Variants in HCFC2 observed in about 807,000 individuals in gnomAD.
HCFC2 encodes the protein host cell factor 2.
In HCFC2, 18 loss-of-function variants were observed where a neutral mutation model predicts 89.2. That is an observed-to-expected ratio of 0.20 (90% CI 0.14 to 0.30). The LOEUF (loss-of-function observed/expected upper bound fraction) is 0.30, where lower values mean the gene tolerates loss of function less well. Among genes scored for constraint, HCFC2 ranks in the 10% least tolerant of loss-of-function variants. The pLI is 1.00. For synonymous variants in HCFC2, 308 were observed against 335.7 expected, an observed-to-expected ratio of 0.92 and a Z score of 0.90; for missense variants, 578 against 956.1, an observed-to-expected ratio of 0.60 and a Z score of 5.21.
chr12:104,068,671 T>A lies in HCFC2; in HGVS notation c.473+564T>A, dbSNP rs990098665. Among the ~76,000 whole-genome samples the A allele has an allele frequency of 1.3e-5, 2 of 152,202 alleles. No homozygotes were observed. The highest frequency in any genetic ancestry group is 2.4e-5 in the African/African-American group (1 of 41,460). On this transcript the variant is annotated intron_variant, in intron 3 of 14. Transcript: ENST00000229330. The surrounding 1 kb of genome is among the most constrained non-coding windows in gnomAD (Gnocchi z 4.1). ...ACATCATGTTTTGTTTGTTTGTTTG[T>A]ATGTTGAGTTCCAATAAGCCTTTAT...
Position 104,088,316 on chromosome 12 carries a change from A to AG in HCFC2, c.1284+281dup, listed in dbSNP as rs549025885. ...AAGCCTGAATTGAAAACCCAGGCCA[A>AG]GGGAAGCCTAGCTGCATTACACAGA... On this transcript the variant is annotated intron_variant, in intron 9 of 14. Transcript: ENST00000229330. Among the ~76,000 whole-genome samples, 58 of 152,368 alleles carry AG rather than the reference A, an allele frequency of 3.8e-4. 2 individuals carry two copies. In the South Asian group the frequency reaches 0.012, roughly 32 times the overall value.
At chr12:104,100,201 T>A (rs1441816834) in intron 13 of HCFC2, among the ~76,000 whole-genome samples, 3 of 152,226 alleles carry the variant, frequency 2.0e-5, no homozygotes, top group African/African-American at 7.2e-5. Context: ...CATATACATA[T>A]ATGAGATATT....
Position 104,086,853 on chromosome 12 carries a change from C to G in HCFC2, c.1070C>G (p.Pro357Arg). 2 of 1,613,220 alleles carry G rather than the reference C, an allele frequency of 1.2e-6. No individual in the cohort carries two copies. Among genetic ancestry groups the G allele is most frequent in the Non-Finnish European group, 1.7e-6 (2 of 1,179,456 alleles). Reference protein sequence around the residue: ...KDLWYLDTEKPPAPSQVQLIK... With the variant: ...KDLWYLDTEKRPAPSQVQLIK... Reference sequence around the variant, plus strand: ...TATCATGATTGTTCTATAGAGAAACCACCGGCACCATCTCAAGTACAGCTG... The same window carrying G: ...TATCATGATTGTTCTATAGAGAAACGACCGGCACCATCTCAAGTACAGCTG... Residue 357 changes from proline (P) to arginine (R), a missense_variant, in exon 8 of 15, where the codon CCA becomes CGA. Transcript: ENST00000229330.
At chr12:104,086,492 CT>C (rs1218042502) in intron 7 of HCFC2, among the ~76,000 whole-genome samples, 8 of 151,878 alleles carry the variant, frequency 5.3e-5, no homozygotes. Context: ...CCCCAAAAAC[CT>C]TCTAGGATTC....
chr12:104,079,332 T>C, intron 3 of HCFC2, 113 bp from the exon 4 acceptor site: 1 of 814,880 alleles, frequency 1.2e-6, no homozygotes, highest in South Asian at 1.9e-5. Context: ...AATGCCTTTC[T>C]GTACTATATG....
chr12:104,078,918 C>A (rs115967439), intron 3 of HCFC2, among the ~76,000 whole-genome samples: 7,124 of 152,204 alleles, frequency 0.047, 187 homozygotes, highest in South Asian at 0.11. Flanking sequence ...CATATGGCCA[C>A]CCAGATGGTA....
At chr12:104,100,829 A>G (rs994840412) in intron 13 of HCFC2, among the ~76,000 whole-genome samples, 1 of 152,166 alleles carries the variant, frequency 6.6e-6, no homozygotes. Flanking sequence ...TTGATTTCAT[A>G]TATAAAGACG....
chr12:104,068,153 T>C lies in HCFC2; in HGVS notation c.473+46T>C, dbSNP rs760599056. The C allele has an allele frequency of 6.9e-7, 1 of 1,454,080 alleles. No individual in the cohort carries two copies. The highest frequency in any genetic ancestry group is 2.6e-5 in the Admixed American group (1 of 38,878). 90.1% of individuals were successfully genotyped at this position (1,454,080 alleles called of 1,614,324 possible). A position where few individuals can be genotyped will look rare whatever the true frequency, so the allele number is the denominator to read the frequency against. On this transcript the variant is annotated intron_variant, in intron 3 of 14. Coordinates refer to ENST00000229330, the MANE Select transcript of HCFC2 (RefSeq NM_013320.3). This position sits in a 1 kb window ranked among gnomAD's most constrained non-coding sequence, Gnocchi z 4.1. ...CAAATGCTTATTTTATGATTTAGAG[T>C]AGGAACATTTTATTTTTTCCATCTT... is the stretch of plus-strand genomic sequence containing the variant.
intron 3 of HCFC2, among the ~76,000 whole-genome samples, chr12:104,072,282 G>A (rs1883345622): frequency 6.6e-6 from 1 of 151,786 alleles, no homozygotes; most frequent in Non-Finnish European, 1.5e-5. Flanking sequence ...CAGAGCAGGA[G>A]GATTGCTTGA....
At position 104,079,686 on chromosome 12, in the gene HCFC2, G is replaced by A. The variant is rs1883620705; in HGVS notation, c.682+33G>A. 7 of 1,503,020 alleles carry A rather than the reference G, an allele frequency of 4.7e-6. No individual in the cohort carries two copies. In the East Asian group the frequency reaches 1.6e-4, roughly 34 times the overall value. The allele number at this position is 1,503,020 out of a possible 1,614,324, so 93.1% of individuals were successfully genotyped here. A position where few individuals can be genotyped will look rare whatever the true frequency, so the allele number is the denominator to read the frequency against. ...TAACTTGATTCAGGCTCAGGAATAGGGCAAATTAAAAAATGCTTTGAAAAA... is the reference window on the plus strand; with the variant it reads ...TAACTTGATTCAGGCTCAGGAATAGAGCAAATTAAAAAATGCTTTGAAAAA... On this transcript the variant is annotated intron_variant, in intron 4 of 14. Coordinates refer to ENST00000229330, the MANE Select transcript of HCFC2 (RefSeq NM_013320.3).
intron 3 of HCFC2, among the ~76,000 whole-genome samples, chr12:104,070,303 C>T (rs1159377824): frequency 6.6e-6 from 1 of 152,232 alleles, no homozygotes; most frequent in Non-Finnish European, 1.5e-5. Flanking sequence ...GCTGGGATTA[C>T]AGGCGTGAGC....
chr12:104,101,950 G>C lies in HCFC2; in HGVS notation c.1879-18G>C, dbSNP rs2029952952. ...TAGTTGTACCTTTTCTTTGACTTTT[G>C]CATATACTACATTTTAGGTAGGAAA... On this transcript the variant is annotated intron_variant, in intron 13 of 14. Coordinates refer to ENST00000229330, the MANE Select transcript of HCFC2 (RefSeq NM_013320.3). The C allele has an allele frequency of 6.6e-7, 1 of 1,525,190 alleles. No homozygotes were observed. Among genetic ancestry groups the C allele is most frequent in the African/African-American group, 1.4e-5 (1 of 72,980 alleles). The allele number at this position is 1,525,190 out of a possible 1,614,324, so 94.5% of individuals were successfully genotyped here. A position where few individuals can be genotyped will look rare whatever the true frequency, so the allele number is the denominator to read the frequency against.
rs565858753 is a variant in HCFC2 at position 104,099,004 on chromosome 12, GA to G, written c.1878+536del. On this transcript the variant is annotated intron_variant, in intron 13 of 14. Coordinates refer to ENST00000229330, the MANE Select transcript of HCFC2 (RefSeq NM_013320.3). ...GACAGTGTAAGACTCCATCTAAAAAGAAAAAAAAAAAAGAAATATCTGAGAC... is the reference window on the plus strand; with the variant it reads ...GACAGTGTAAGACTCCATCTAAAAAGAAAAAAAAAAAGAAATATCTGAGAC... 4.7e-3 allele frequency among the ~76,000 whole-genome samples: 652 copies of G among 138,436 alleles called. 9 individuals are homozygous for G. The highest frequency in any genetic ancestry group is 0.033 in the South Asian group (143 of 4,374). The allele number at this position is 138,436 out of a possible 152,430, so 90.8% of individuals were successfully genotyped here. A position where few individuals can be genotyped will look rare whatever the true frequency, so the allele number is the denominator to read the frequency against.
chr12:104,065,561 A>G (rs903914593), intron 1 of HCFC2, among the ~76,000 whole-genome samples: 3 of 152,354 alleles, frequency 2.0e-5, no homozygotes, highest in African/African-American at 7.2e-5. Flanking sequence ...ACTTAATCAC[A>G]GGAATAATTT....
intron 13 of HCFC2, among the ~76,000 whole-genome samples, chr12:104,099,627 A>G (rs1030056812): frequency 3.3e-5 from 5 of 152,158 alleles, no homozygotes; most frequent in Middle Eastern, 3.4e-3. Flanking sequence ...TAAAAAAAAA[A>G]AAAAACTTAT....
chr12:104,094,806 G>A (rs1884127299), intron 10 of HCFC2, among the ~76,000 whole-genome samples: 1 of 152,204 alleles, frequency 6.6e-6, no homozygotes, highest in Middle Eastern at 3.4e-3. Flanking sequence ...ATGTTTACGA[G>A]CCAAGGACCA....
intron 12 of HCFC2, 90 bp downstream of exon 12, chr12:104,096,523 T>A (rs1884183759): frequency 2.4e-6 from 2 of 840,070 alleles, no homozygotes; most frequent in Non-Finnish European, 3.9e-6. Flanking sequence ...CATAAAAAGA[T>A]TCTCAGGTCT....
At chr12:104,069,423 G>A (rs1883250802) in intron 3 of HCFC2, among the ~76,000 whole-genome samples, 2 of 151,018 alleles carry the variant, frequency 1.3e-5, no homozygotes, top group African/African-American at 2.4e-5. Flanking sequence ...TTGCTACTTT[G>A]TATCTTTTGA....
intron 3 of HCFC2, among the ~76,000 whole-genome samples, chr12:104,071,479 T>C (rs890135155): frequency 4.6e-5 from 7 of 152,398 alleles, no homozygotes; most frequent in African/African-American, 9.6e-5. Flanking sequence ...ACCAGCCATA[T>C]GGCCAAGGCC....
Sources: gnomAD v4.1 joint callset for allele counts (sites outside exome capture counted in the v4.1 genomes callset) on GRCh38, gnomAD v4.1.1 for gene constraint, Gnocchi (gnomAD v3.1) non-coding constraint, MANE v1.5 for transcripts, NCBI Gene and HGNC (gene_info 2026-07-23, HGNC 2026-07-21) for gene names.